Variants in NWD2 observed in about 807,000 individuals in gnomAD.
NWD2 encodes the protein NACHT and WD repeat domain-containing protein 2.
Under a neutral mutation model 132.7 loss-of-function variants are expected in NWD2, and 37 were observed. That is an observed-to-expected ratio of 0.28 (90% CI 0.21 to 0.37). NWD2 has a LOEUF of 0.37. Among genes scored for constraint, NWD2 ranks in the 10% least tolerant of loss-of-function variants. NWD2 has a pLI of 1.00. For synonymous variants in NWD2, 705 were observed against 803.0 expected, an observed-to-expected ratio of 0.88 and a Z score of 2.06; for missense variants, 1,592 against 2,122.4, an observed-to-expected ratio of 0.75 and a Z score of 4.91.
chr4:37,347,136 A>G (rs1191178086), intron 2 of NWD2, among the ~76,000 whole-genome samples: 1 of 151,810 alleles, frequency 6.6e-6, no homozygotes, highest in Non-Finnish European at 1.5e-5. Context: ...ATTTTTTTGT[A>G]TGATTGATTT....
In NWD2 at chr4:37,282,638, T is replaced by C. The variant is rs910479235; in HGVS notation, c.151+37420T>C. ...GATGGGTATTTAGCTCCAGCTATTA[T>C]GCTAGGCATGCTCCGAGAACCTACC... On this transcript the variant is annotated intron_variant, in intron 1 of 6. Transcript: ENST00000309447. 2.6e-5 allele frequency among the ~76,000 whole-genome samples: 4 copies of C among 152,208 alleles called. No individual in the cohort carries two copies. The East Asian group carries it at 5.8e-4, about 22-fold the overall frequency.
At position 37,394,120 on chromosome 4, in the gene NWD2, T is replaced by A. The variant is rs185924415; in HGVS notation, c.358-36452T>A. 1.1e-4 allele frequency among the ~76,000 whole-genome samples: 17 copies of A among 152,368 alleles called. No individual in the cohort carries two copies. In the East Asian group the frequency reaches 3.3e-3, roughly 29 times the overall value. ...ACTGAGCACTTAAGTAAATGTATAA[T>A]CTCACCTCATTGTTATCTATCTAGC... On this transcript the variant is annotated intron_variant, in intron 3 of 6. Transcript: ENST00000309447.
chr4:37,255,687 C>A (rs2109257011), intron 1 of NWD2, among the ~76,000 whole-genome samples: 1 of 152,196 alleles, frequency 6.6e-6, no homozygotes, highest in South Asian at 2.1e-4. Flanking sequence ...CAATAGGATC[C>A]CAGCCCCTAA....
At chr4:37,363,422 T>C (rs1226987128) in intron 3 of NWD2, among the ~76,000 whole-genome samples, 1 of 152,158 alleles carries the variant, frequency 6.6e-6, no homozygotes, top group Non-Finnish European at 1.5e-5. Flanking sequence ...AAAGAAAATA[T>C]GGTACATAAA....
chr4:37,287,523 T>C (rs897328363), intron 1 of NWD2, among the ~76,000 whole-genome samples: 1 of 152,194 alleles, frequency 6.6e-6, no homozygotes, highest in African/African-American at 2.4e-5. Context: ...AGCTGTGGCA[T>C]ACGGTGGCCA....
At chr4:37,334,776 C>T (rs1272255804) in intron 2 of NWD2, among the ~76,000 whole-genome samples, 1 of 152,178 alleles carries the variant, frequency 6.6e-6, no homozygotes, top group Non-Finnish European at 1.5e-5. Flanking sequence ...AATACCTTCT[C>T]ATAGCCAACT....
chr4:37,390,425 G>T (rs192152293), intron 3 of NWD2, among the ~76,000 whole-genome samples: 230 of 149,550 alleles, frequency 1.5e-3, no homozygotes, highest in Middle Eastern at 6.9e-3. Flanking sequence ...TTTTTTGACA[G>T]TGAGTTATTT....
chr4:37,342,195 G>A (rs1189541029), intron 2 of NWD2, among the ~76,000 whole-genome samples: 1 of 152,158 alleles, frequency 6.6e-6, no homozygotes, highest in Admixed American at 6.5e-5. Context: ...CCTCCCCATG[G>A]TAATGAGTGA....
At chr4:37,440,010 G>T (rs958724591) in intron 6 of NWD2, among the ~76,000 whole-genome samples, 1 of 152,182 alleles carries the variant, frequency 6.6e-6, no homozygotes, top group African/African-American at 2.4e-5. Context: ...TTCTGAACTG[G>T]ACTGTGAACT....
intron 6 of NWD2, among the ~76,000 whole-genome samples, chr4:37,440,021 C>G (rs1183846603): frequency 6.6e-6 from 1 of 151,946 alleles, no homozygotes; most frequent in Admixed American, 6.6e-5. Flanking sequence ...ACTGTGAACT[C>G]TCTGTTCTTA....
intron 1 of NWD2, among the ~76,000 whole-genome samples, chr4:37,286,846 A>T (rs536398745): frequency 2.2e-4 from 33 of 152,190 alleles, no homozygotes; most frequent in African/African-American, 7.7e-4. Context: ...TAGTTTAATC[A>T]CATTGAAAAA....
intron 1 of NWD2, among the ~76,000 whole-genome samples, chr4:37,254,231 C>G (rs1262941096): frequency 6.6e-6 from 1 of 152,168 alleles, no homozygotes; most frequent in Non-Finnish European, 1.5e-5. Flanking sequence ...GGCATATCAA[C>G]ATTTGTTGAA....
intron 3 of NWD2, among the ~76,000 whole-genome samples, chr4:37,399,905 C>A (rs184802140): frequency 6.6e-6 from 1 of 152,290 alleles, no homozygotes; most frequent in African/African-American, 2.4e-5. Flanking sequence ...AACAAGCTCA[C>A]CAGATGCATG....
intron 2 of NWD2, among the ~76,000 whole-genome samples, chr4:37,353,700 A>G (rs899084323): frequency 4.0e-5 from 6 of 151,818 alleles, no homozygotes; most frequent in African/African-American, 1.5e-4. Context: ...CCATCAGGTC[A>G]TTTATGTTCT....
In NWD2 at chr4:37,245,212, C is replaced by T. The variant is rs1036222820; in HGVS notation, c.145C>T (p.Pro49Ser). Reference protein sequence around the residue: ...RSVRVFISANPEDTGAERQAL... With the variant: ...RSVRVFISANSEDTGAERQAL... ...CGTCCGGGTCTTCATCAGCGCCAAC[C>T]CTGAAGGTACGTCCCTCGCTCGGGT... The change falls in exon 1 of 7, where the codon CCT (proline) becomes TCT (serine). Residue 49 changes from proline (P) to serine (S), a missense_variant. Around this residue, in one of 7 missense-constraint regions of NWD2, gnomAD observed 88 missense variants for 92.8 expected, o/e 0.95. Coordinates refer to ENST00000309447, the MANE Select transcript of NWD2 (RefSeq NM_001144990.2). The T allele has an allele frequency of 2.6e-6, 4 of 1,538,186 alleles. No homozygotes were observed. The highest frequency in any genetic ancestry group is 2.8e-5 in the African/African-American group (2 of 72,518).
At chr4:37,319,370 A>G (rs1224207446) in intron 1 of NWD2, among the ~76,000 whole-genome samples, 1 of 152,226 alleles carries the variant, frequency 6.6e-6, no homozygotes, top group Non-Finnish European at 1.5e-5. Flanking sequence ...GATTCTGGAT[A>G]TTAGACATTT....
intron 3 of NWD2, among the ~76,000 whole-genome samples, chr4:37,423,281 G>A (rs756021294): frequency 1.3e-5 from 2 of 152,114 alleles, no homozygotes; most frequent in Admixed American, 6.5e-5. Flanking sequence ...AACAGGGAAT[G>A]TTTTAGTCAC....
intron 5 of NWD2, among the ~76,000 whole-genome samples, chr4:37,434,678 A>G (rs1712267763): frequency 6.6e-6 from 1 of 152,184 alleles, no homozygotes; most frequent in South Asian, 2.1e-4. Context: ...CATCTAAGGT[A>G]GAGAATTCCC....
At chr4:37,352,467 A>T (rs557380106) in intron 2 of NWD2, among the ~76,000 whole-genome samples, 2 of 152,170 alleles carry the variant, frequency 1.3e-5, no homozygotes, top group Non-Finnish European at 2.9e-5. Flanking sequence ...AGGGGTGTTG[A>T]AGTCTCCTGC....
Sources: allele counts gnomAD v4.1 joint callset (sites outside exome capture counted in the v4.1 genomes callset), GRCh38; gene constraint gnomAD v4.1.1; regional missense constraint gnomAD v4.1.1; transcripts MANE v1.5; gene names NCBI Gene and HGNC (gene_info 2026-07-23, HGNC 2026-07-21).